CDKAL1: variants seen among roughly 807,000 people sequenced by gnomAD.
CDKAL1 encodes CDKAL1 threonylcarbamoyladenosine tRNA methylthiotransferase.
Under a neutral mutation model 68.2 loss-of-function variants are expected in CDKAL1, and 32 were observed. That is an observed-to-expected ratio of 0.47 (90% CI 0.35 to 0.63). The LOEUF (loss-of-function observed/expected upper bound fraction) is 0.63. CDKAL1 is among the 30% of genes least tolerant of loss of function. The pLI, the probability that CDKAL1 is intolerant of heterozygous loss-of-function variation, is 0.00. For missense variants in CDKAL1, 606 were observed against 696.7 expected, an observed-to-expected ratio of 0.87 and a Z score of 1.47; for synonymous variants, 234 against 244.3, an observed-to-expected ratio of 0.96 and a Z score of 0.39.
At chr6:21,128,658 A>C (rs1562054210) in intron 13 of CDKAL1, among the ~76,000 whole-genome samples, 1 of 152,210 alleles carries the variant, frequency 6.6e-6, no homozygotes. Context: ...TGTGCTGGTC[A>C]CTCACAAAAT....
rs996593181 is a variant in CDKAL1 at position 21,227,075 on chromosome 6, G to A, written c.1549-3773G>A. 3.9e-5 allele frequency among the ~76,000 whole-genome samples: 6 copies of A among 152,232 alleles called. No individual in the cohort carries two copies. The East Asian group carries it at 1.2e-3, about 29-fold the overall frequency. ...ATGATACTTTGAGCGATGCAGATAT[G>A]TATTGAATTTCAGGAATTGACAATC... On this transcript the variant is annotated intron_variant, in intron 15 of 15. Coordinates refer to ENST00000274695, the MANE Select transcript of CDKAL1 (RefSeq NM_017774.3).
At chr6:20,948,623 G>A (rs1248325153) in intron 9 of CDKAL1, among the ~76,000 whole-genome samples, 2 of 152,238 alleles carry the variant, frequency 1.3e-5, no homozygotes, top group African/African-American at 2.4e-5. Context: ...TATCCATAAT[G>A]TTTGGACTGC....
intron 10 of CDKAL1, among the ~76,000 whole-genome samples, chr6:20,998,777 C>T (rs530429791): frequency 1.3e-5 from 2 of 152,106 alleles, no homozygotes; most frequent in South Asian, 2.1e-4. Context: ...AGGTATATAC[C>T]TATTAATTCC....
At chr6:20,843,652 C>T (rs1420971996) in intron 8 of CDKAL1, among the ~76,000 whole-genome samples, 1 of 152,076 alleles carries the variant, frequency 6.6e-6, no homozygotes, top group South Asian at 2.1e-4. Flanking sequence ...GATTGCAACC[C>T]ATCACATGAG....
chr6:21,054,220 C>T (rs1486885887), intron 11 of CDKAL1, among the ~76,000 whole-genome samples: 1 of 152,092 alleles, frequency 6.6e-6, no homozygotes, highest in African/African-American at 2.4e-5. Flanking sequence ...CGCTTTGTTT[C>T]CTGCCCTCAT....
chr6:20,861,478 A>T (rs1314818788), intron 9 of CDKAL1, among the ~76,000 whole-genome samples: 1 of 152,226 alleles, frequency 6.6e-6, no homozygotes, highest in Non-Finnish European at 1.5e-5. Flanking sequence ...ATTATTGCTT[A>T]TATATTTCAT....
chr6:20,742,860 A>G (rs1229382086), intron 6 of CDKAL1, among the ~76,000 whole-genome samples: 2 of 152,002 alleles, frequency 1.3e-5, no homozygotes, highest in East Asian at 3.9e-4. Flanking sequence ...TGGCAGGTAT[A>G]TTACATTTTA....
In CDKAL1 at chr6:20,648,527, A is replaced by G. The variant is rs147972487; in HGVS notation, c.287-766A>G. Among the ~76,000 whole-genome samples the G allele has an allele frequency of 6.9e-3, 1,050 of 151,624 alleles. 17 individuals carry two copies. Among genetic ancestry groups the G allele is most frequent in the African/African-American group, 0.024 (985 of 41,214 alleles). Reference sequence around the variant, plus strand: ...TTGAATCTTTCTTCCTAGGTGGAGAATCTACACATAGACATCTGTATGTTC... The same window carrying G: ...TTGAATCTTTCTTCCTAGGTGGAGAGTCTACACATAGACATCTGTATGTTC... On this transcript the variant is annotated intron_variant, in intron 4 of 15. Transcript: ENST00000274695.
At chr6:21,043,104 C>T (rs781405012) in intron 11 of CDKAL1, among the ~76,000 whole-genome samples, 1 of 152,196 alleles carries the variant, frequency 6.6e-6, no homozygotes, top group African/African-American at 2.4e-5. Flanking sequence ...ACCAGTTCTA[C>T]TGCTACTGCT....
chr6:20,581,544 A>G (rs1328211198), intron 4 of CDKAL1, among the ~76,000 whole-genome samples: 2 of 152,192 alleles, frequency 1.3e-5, no homozygotes, highest in African/African-American at 4.8e-5. Flanking sequence ...ATTTTATCAC[A>G]AGTTTCATTA....
At chr6:20,554,259 G>T (rs768974874) in intron 4 of CDKAL1, among the ~76,000 whole-genome samples, 3 of 152,234 alleles carry the variant, frequency 2.0e-5, no homozygotes, top group Non-Finnish European at 4.4e-5. Context: ...GATATAATTA[G>T]ATTAGTATCT....
chr6:21,049,668 A>G (rs571001373), intron 11 of CDKAL1, among the ~76,000 whole-genome samples: 1 of 152,312 alleles, frequency 6.6e-6, no homozygotes, highest in East Asian at 1.9e-4. Context: ...CTTATTTAAC[A>G]TGGTATTTAT....
chr6:20,889,633 T>C (rs1372168668), intron 9 of CDKAL1, among the ~76,000 whole-genome samples: 1 of 152,224 alleles, frequency 6.6e-6, no homozygotes, highest in Admixed American at 6.5e-5. Flanking sequence ...CCCCATTTCT[T>C]ATTTTTGTCA....
intron 5 of CDKAL1, among the ~76,000 whole-genome samples, chr6:20,729,852 G>C (rs779923758): frequency 6.6e-6 from 1 of 152,110 alleles, no homozygotes; most frequent in Admixed American, 6.6e-5. Flanking sequence ...GCTACTCCTC[G>C]TGGTTGTACT....
chr6:20,879,038 C>T (rs909924939), intron 9 of CDKAL1, among the ~76,000 whole-genome samples: 2 of 151,594 alleles, frequency 1.3e-5, no homozygotes, highest in Non-Finnish European at 2.9e-5. Flanking sequence ...GAGATCGCAC[C>T]ATTGCACTCC....
At chr6:21,071,247 C>T (rs930836032) in intron 12 of CDKAL1, among the ~76,000 whole-genome samples, 1 of 152,110 alleles carries the variant, frequency 6.6e-6, no homozygotes, top group African/African-American at 2.4e-5. Context: ...GTGATTGGAT[C>T]ATGGGGGCAG....
intron 6 of CDKAL1, among the ~76,000 whole-genome samples, chr6:20,740,729 C>G (rs893692021): frequency 1.3e-5 from 2 of 152,152 alleles, no homozygotes; most frequent in Non-Finnish European, 2.9e-5. Flanking sequence ...CCTTACCCCA[C>G]TAGCAAATTT....
intron 9 of CDKAL1, among the ~76,000 whole-genome samples, chr6:20,922,284 T>G (rs1347413176): frequency 1.3e-5 from 2 of 152,204 alleles, no homozygotes; most frequent in Non-Finnish European, 1.5e-5. Flanking sequence ...GGAATCATTG[T>G]AAAGGGTTTT....
At chr6:21,076,900 T>C (rs1772102140) in intron 12 of CDKAL1, among the ~76,000 whole-genome samples, 1 of 152,168 alleles carries the variant, frequency 6.6e-6, no homozygotes, top group Non-Finnish European at 1.5e-5. Flanking sequence ...TGCCCATAAT[T>C]TTGTTGTATC....
Sources: allele counts gnomAD v4.1 joint callset (sites outside exome capture counted in the v4.1 genomes callset), GRCh38; gene constraint gnomAD v4.1.1; transcripts MANE v1.5; gene names NCBI Gene and HGNC (gene_info 2026-07-23, HGNC 2026-07-21).